ARK2N: variants seen among roughly 807,000 people sequenced by gnomAD.
ARK2N encodes arkadia (RNF111) N-terminal like PKA signaling regulator 2N, also known as protein ARK2N.
the ARK2N span, among the ~76,000 whole-genome samples, chr18:46,261,893 A>T: frequency 6.6e-6 from 1 of 152,172 alleles, no homozygotes; most frequent in Admixed American, 6.5e-5. Context: ...TTGTTACCCT[A>T]ATGTTCTTTT....
the ARK2N span, among the ~76,000 whole-genome samples, chr18:46,197,571 G>A: frequency 6.6e-6 from 1 of 152,204 alleles, no homozygotes; most frequent in African/African-American, 2.4e-5. Flanking sequence ...TTAAGTCCAA[G>A]TACGGCTGAA....
the ARK2N span, among the ~76,000 whole-genome samples, chr18:46,236,310 G>A: frequency 2.0e-5 from 3 of 152,298 alleles, no homozygotes; most frequent in Non-Finnish European, 4.4e-5. Flanking sequence ...ACTGTGCCCA[G>A]CCATTCGTGG....
chr18:46,225,187 CCT>C, the ARK2N span, among the ~76,000 whole-genome samples: 7 of 152,342 alleles, frequency 4.6e-5, no homozygotes, highest in East Asian at 1.9e-4. Flanking sequence ...AAGAATTTTC[CCT>C]GTCACCCCAT....
the ARK2N span, among the ~76,000 whole-genome samples, chr18:46,253,217 A>G: frequency 2.6e-5 from 4 of 152,138 alleles, no homozygotes; most frequent in Non-Finnish European, 4.4e-5. Flanking sequence ...CTATTATTCT[A>G]TATGTGCCTT....
At chr18:46,245,024 C>G in the ARK2N span, among the ~76,000 whole-genome samples, 2 of 151,844 alleles carry the variant, frequency 1.3e-5, no homozygotes, top group Non-Finnish European at 2.9e-5. Context: ...TCTGCCTCCT[C>G]GTTCAAGTGA....
At chr18:46,189,321 G>A in the ARK2N span, among the ~76,000 whole-genome samples, 24 of 151,554 alleles carry the variant, frequency 1.6e-4, no homozygotes, top group South Asian at 2.9e-3. Flanking sequence ...CCCTTCTTAT[G>A]TATGAAATGT....
the ARK2N span, chr18:46,265,621 C>G: frequency 1.3e-5 from 2 of 152,408 alleles, no homozygotes; most frequent in East Asian, 3.9e-4. Flanking sequence ...AGACAGCTCT[C>G]CCCTACTAGG....
the ARK2N span, among the ~76,000 whole-genome samples, chr18:46,178,663 G>A: frequency 1.0e-2 from 1,521 of 152,140 alleles, 26 homozygotes; most frequent in African/African-American, 0.034. Flanking sequence ...GCTCATGCCT[G>A]TAATCCCAGC....
At chr18:46,230,741 C>T in the ARK2N span, among the ~76,000 whole-genome samples, 1 of 151,932 alleles carries the variant, frequency 6.6e-6, no homozygotes. Flanking sequence ...AAAAAATCGC[C>T]GAATGTTGTA....
chr18:46,242,361 T>G, the ARK2N span, among the ~76,000 whole-genome samples: 1 of 152,210 alleles, frequency 6.6e-6, no homozygotes, highest in Non-Finnish European at 1.5e-5. Context: ...AATCAGCCAT[T>G]TCTTATGACT....
the ARK2N span, among the ~76,000 whole-genome samples, chr18:46,187,954 C>G: frequency 6.6e-6 from 1 of 152,096 alleles, no homozygotes; most frequent in Admixed American, 6.6e-5. Flanking sequence ...TAAGTAACTC[C>G]CTTGCTTAAT....
chr18:46,259,498 T>A, the ARK2N span, among the ~76,000 whole-genome samples: 4 of 152,246 alleles, frequency 2.6e-5, no homozygotes, highest in African/African-American at 9.6e-5. Context: ...TACCTCGGCC[T>A]CCCAAGGTGC....
the ARK2N span, among the ~76,000 whole-genome samples, chr18:46,226,600 A>G: frequency 6.6e-6 from 1 of 152,224 alleles, no homozygotes; most frequent in African/African-American, 2.4e-5. Flanking sequence ...GTCAAAAGAT[A>G]GAAAATACCA....
At chr18:46,240,047 A>G in the ARK2N span, 36 of 1,613,952 alleles carry the variant, frequency 2.2e-5, no homozygotes, top group Middle Eastern at 4.9e-4. Flanking sequence ...TCTGACACCA[A>G]CTCTGACCCA....
the ARK2N span, chr18:46,262,810 GA>G: frequency 9.9e-7 from 1 of 1,014,116 alleles, no homozygotes. Context: ...TGGGTTTTAT[GA>G]ACTTGCATAC....
chr18:46,202,994 G>C, the ARK2N span, among the ~76,000 whole-genome samples: 3 of 152,020 alleles, frequency 2.0e-5, no homozygotes, highest in Non-Finnish European at 2.9e-5. Flanking sequence ...AACCATGCTA[G>C]TGTTGGTAAA....
chr18:46,201,779 C>CTTTT, the ARK2N span, among the ~76,000 whole-genome samples: 1 of 135,770 alleles, frequency 7.4e-6, no homozygotes. Flanking sequence ...CTTTTCTTTT[C>CTTTT]TTTTTTTTTT....
At chr18:46,203,448 G>T in the ARK2N span, among the ~76,000 whole-genome samples, 3 of 152,138 alleles carry the variant, frequency 2.0e-5, no homozygotes, top group East Asian at 5.8e-4. Context: ...TTTTAGGGTG[G>T]GTAGTGACTA....
At chr18:46,248,423 G>A in the ARK2N span, among the ~76,000 whole-genome samples, 3 of 151,984 alleles carry the variant, frequency 2.0e-5, no homozygotes, top group Non-Finnish European at 2.9e-5. Context: ...GGGATAAGAT[G>A]GCAAAAAATG....
Sources: allele counts gnomAD v4.1 joint callset (sites outside exome capture counted in the v4.1 genomes callset), GRCh38; gene constraint gnomAD v4.1.1; transcripts MANE v1.5; gene names NCBI Gene and HGNC (gene_info 2026-07-23, HGNC 2026-07-21).